The following MINAR1 variants were observed in gnomAD, a reference collection of about 807,000 sequenced individuals.
MINAR1 encodes the protein membrane integral NOTCH2 associated receptor 1, also known as major intrinsically disordered Notch2-binding receptor 1.
In MINAR1, 40 loss-of-function variants were observed where a neutral mutation model predicts 65.1. The observed-to-expected ratio is 0.61, with a 90% confidence interval of 0.48 to 0.80. The LOEUF is 0.80. Among genes scored for constraint, MINAR1 ranks in the 30% least tolerant of loss-of-function variants. The pLI, the probability that MINAR1 is intolerant of heterozygous loss-of-function variation, is 0.00. For missense variants in MINAR1, 1,128 were observed against 1,148.0 expected (o/e 0.98, Z 0.25); for synonymous variants, 482 against 449.1 (o/e 1.07, Z -0.93).
chr15:79,460,603 G>A (rs1353074934), intron 2 of MINAR1, among the ~76,000 whole-genome samples: 1 of 152,040 alleles, frequency 6.6e-6, no homozygotes, highest in Non-Finnish European at 1.5e-5. Flanking sequence ...GGATCCTTGG[G>A]CACATTCTCA....
Position 79,457,612 on chromosome 15 carries a change from G to T in MINAR1, c.1465G>T (p.Asp489Tyr), listed in dbSNP as rs772031549. The T allele has an allele frequency of 3.7e-6, 6 of 1,614,206 alleles. No individual in the cohort carries two copies. In the South Asian group the frequency reaches 6.6e-5, roughly 18 times the overall value. ...CGTGCTGGAGCCCAAGAAATGCAGA[G>T]ACCTGTGCACCTCTGGTCAGGGCAA... ...EHVLEPKKCR[D>Y]LCTSGQGKYS... The change falls in exon 2 of 4, where the codon GAC becomes TAC. Residue 489 changes from aspartate to tyrosine, a missense_variant. Coordinates refer to ENST00000305428, the MANE Select transcript of MINAR1 (RefSeq NM_015206.3).
intron 1 of MINAR1, among the ~76,000 whole-genome samples, chr15:79,435,853 G>T (rs1415679033): frequency 6.6e-6 from 1 of 152,240 alleles, no homozygotes; most frequent in Non-Finnish European, 1.5e-5. Flanking sequence ...CCCCAAGAGG[G>T]GATAGAAGCA....
chr15:79,430,925 C>CA (rs1435841304), upstream of MINAR1, among the ~76,000 whole-genome samples: 2 of 152,028 alleles, frequency 1.3e-5, no homozygotes, highest in Non-Finnish European at 2.9e-5. Context: ...GAACATGCAC[C>CA]AAAAAATAGA....
rs527722197 is a variant in MINAR1 at position 79,457,693 on chromosome 15, G to A, written c.1546G>A (p.Asp516Asn). The A allele has an allele frequency of 9.3e-6, 15 of 1,614,150 alleles. No homozygotes were observed. Among genetic ancestry groups the A allele is most frequent in the Middle Eastern group, 1.6e-4 (1 of 6,062 alleles). Residue 516 changes from aspartate to asparagine, a missense_variant, in exon 2 of 4, where the codon GAC becomes AAC. Asp to Asn is a conservative substitution (Grantham distance 23). Coordinates refer to ENST00000305428, the MANE Select transcript of MINAR1 (RefSeq NM_015206.3). The stretch of plus-strand genomic sequence containing the variant: ...AGACGATGACTCAGAAATTGTCAGC[G>A]ACGACATCAGTGACATTTTCCGATT... Reference protein sequence around the residue: ...HSDDDSEIVSDDISDIFRFLD... With the variant: ...HSDDDSEIVSNDISDIFRFLD...
rs543976117 is a variant in MINAR1 at position 79,461,788 on chromosome 15, T to C, written c.2299-1279T>C. ...CACATGTACACACATACACCACGTG[T>C]GCTTCCAACCCCTATGCAAGCATCT... On this transcript the variant is annotated intron_variant, in intron 2 of 3. Transcript: ENST00000305428. 1.8e-4 allele frequency among the ~76,000 whole-genome samples: 27 copies of C among 152,208 alleles called. No homozygotes were observed. The East Asian group carries it at 4.4e-3, about 25-fold the overall frequency.
intron 1 of MINAR1, among the ~76,000 whole-genome samples, chr15:79,437,669 T>G (rs1595928425): frequency 1.2e-5 from 1 of 81,530 alleles, no homozygotes; most frequent in Non-Finnish European, 2.5e-5. Context: ...AGGTAGTGTG[T>G]GGGGTGTGGG....
At chr15:79,422,188 CAAGGAGT>C in the MINAR1 span, 2 of 152,214 alleles carry the variant, frequency 1.3e-5, no homozygotes, top group Non-Finnish European at 2.9e-5. Flanking sequence ...TAACTTTTCT[CAAGGAGT>C]AAGTTCTTAT....
At chr15:79,439,347 T>G (rs1222561695) in intron 1 of MINAR1, among the ~76,000 whole-genome samples, 1 of 39,244 alleles carries the variant, frequency 2.5e-5, no homozygotes, top group African/African-American at 7.4e-5. Context: ...GCAGTGTGTG[T>G]GTGGGTAATG....
chr15:79,433,834 G>A (rs1455742898), intron 1 of MINAR1, among the ~76,000 whole-genome samples: 1 of 152,162 alleles, frequency 6.6e-6, no homozygotes, highest in Non-Finnish European at 1.5e-5. Flanking sequence ...GATGTCTTTT[G>A]AATTGACCCT....
intron 1 of MINAR1, among the ~76,000 whole-genome samples, chr15:79,452,737 T>TGC (rs1399399782): frequency 8.9e-6 from 1 of 112,486 alleles, no homozygotes; most frequent in Non-Finnish European, 2.1e-5. Flanking sequence ...TCTGTGTGGG[T>TGC]GTGTGGGGGG....
chr15:79,468,380 C>T lies in MINAR1; in HGVS notation c.2747C>T (p.Ser916Leu). Reference sequence around the variant, plus strand: ...GTCGTGCCCATCTGCACAATGAAATCATGAGCTAAGAATGCAACCTTACGT... The same window carrying T: ...GTCGTGCCCATCTGCACAATGAAATTATGAGCTAAGAATGCAACCTTACGT... Reference protein sequence around the residue: ...VIVVPICTMKS With the variant: ...VIVVPICTMKL Residue 916 changes from serine to leucine, a missense_variant, in exon 4 of 4, where the codon TCA becomes TTA. Transcript: ENST00000305428. The T allele has an allele frequency of 1.2e-6, 2 of 1,613,736 alleles. No homozygotes were observed. The highest frequency in any genetic ancestry group is 1.7e-6 in the Non-Finnish European group (2 of 1,179,852).
At chr15:79,423,937 C>CA in the MINAR1 span, 1 of 152,230 alleles carries the variant, frequency 6.6e-6, no homozygotes, top group Non-Finnish European at 1.5e-5. Flanking sequence ...ATGCAGCTAA[C>CA]AGAGGGCCTG....
intron 3 of MINAR1, among the ~76,000 whole-genome samples, chr15:79,464,277 A>G (rs143122775): frequency 1.2e-4 from 18 of 152,228 alleles, no homozygotes; most frequent in Non-Finnish European, 2.4e-4. Context: ...CTTGTGAGTC[A>G]TTGTAAGAAT....
intron 1 of MINAR1, among the ~76,000 whole-genome samples, chr15:79,434,250 G>A (rs1894532865): frequency 1.3e-5 from 2 of 152,180 alleles, no homozygotes; most frequent in African/African-American, 2.4e-5. Flanking sequence ...TGTTGTTGGT[G>A]TTATGTTCCT....
intron 1 of MINAR1, among the ~76,000 whole-genome samples, chr15:79,437,341 T>C (rs1386115667): frequency 6.8e-6 from 1 of 147,900 alleles, no homozygotes; most frequent in East Asian, 2.1e-4. Flanking sequence ...TGTGAGTGAG[T>C]AGTGATTGAG....
rs60859788 is a variant in MINAR1 at position 79,456,071 on chromosome 15, C to G, written c.-50-27C>G. On this transcript the variant is annotated intron_variant, in intron 1 of 3. Coordinates refer to ENST00000305428, the MANE Select transcript of MINAR1 (RefSeq NM_015206.3). ...TGGTGTTTATAATCCTCTTTTCCTC[C>G]TCTCTTTCTCAATATTGCCACCACA... 4.9e-3 allele frequency: 7,096 copies of G among 1,437,210 alleles called. 262 individuals are homozygous for G. In the African/African-American group the frequency reaches 0.087, roughly 18 times the overall value. 89.0% of individuals were successfully genotyped at this position (1,437,210 alleles called of 1,614,324 possible). A position where few individuals can be genotyped will look rare whatever the true frequency, so the allele number is the denominator to read the frequency against.
chr15:79,463,352 A>C (rs747045979), intron 3 of MINAR1, 31 bp downstream of exon 3: 6 of 1,604,916 alleles, frequency 3.7e-6, no homozygotes, highest in South Asian at 1.1e-5. Context: ...GGGTGGGGGA[A>C]GCCCAGCTGT....
In MINAR1 at chr15:79,468,482, G is replaced by C; in HGVS notation, c.*98G>C. The C allele has an allele frequency of 9.0e-7, 1 of 1,106,412 alleles. No homozygotes were observed. The highest frequency in any genetic ancestry group is 1.3e-6 in the Non-Finnish European group (1 of 774,134). 68.5% of individuals were successfully genotyped at this position (1,106,412 alleles called of 1,614,324 possible). On this transcript the variant is annotated 3_prime_UTR_variant, in exon 4 of 4. Transcript: ENST00000305428. ...TGAGGCAACAATTTGTTGAAATGGA[G>C]ATGAAATCATGGAGGCATTTCTACA... is the stretch of plus-strand genomic sequence containing the variant.
chr15:79,430,982 G>A (rs1283615434), upstream of MINAR1, among the ~76,000 whole-genome samples: 3 of 152,198 alleles, frequency 2.0e-5, no homozygotes, highest in Non-Finnish European at 2.9e-5. Context: ...CTTTTAAAGC[G>A]TTGTTGCCAC....
Sources: allele counts gnomAD v4.1 joint callset (sites outside exome capture counted in the v4.1 genomes callset), GRCh38; gene constraint gnomAD v4.1.1; transcripts MANE v1.5; gene names NCBI Gene and HGNC (gene_info 2026-07-23, HGNC 2026-07-21).